Variants in ZFAT observed in about 807,000 individuals in gnomAD.
ZFAT encodes the protein zinc finger and AT-hook domain containing, also known as zinc finger protein ZFAT.
Under a neutral mutation model 117.7 loss-of-function variants are expected in ZFAT, and 64 were observed. That is an observed-to-expected ratio of 0.54 (90% CI 0.44 to 0.67). The LOEUF is 0.67. ZFAT is among the 30% of genes least tolerant of loss of function. ZFAT has a pLI of 0.00. For missense variants in ZFAT, 1,433 were observed against 1,584.5 expected (o/e 0.90, Z 1.62); for synonymous variants, 679 against 615.0 (o/e 1.10, Z -1.54).
chr8:134,542,271 C>T lies in ZFAT; in HGVS notation c.2977-9299G>A, dbSNP rs557212564. Among the ~76,000 whole-genome samples the T allele has an allele frequency of 1.4e-4, 22 of 152,358 alleles. No homozygotes were observed. The East Asian group carries it at 4.0e-3, about 28-fold the overall frequency. On this transcript the variant is annotated intron_variant, in intron 11 of 15. Transcript: ENST00000377838. ...CCTTCTTACCCTAGTCTTGATCCTG[C>T]CATTCTCTCTACAACAAGTGTCTTT...
At chr8:134,769,956 G>A in the ZFAT span, among the ~76,000 whole-genome samples, 1 of 152,192 alleles carries the variant, frequency 6.6e-6, no homozygotes, top group Non-Finnish European at 1.5e-5. Context: ...TGGAGCAGCT[G>A]GGACACAGGG....
At chr8:134,739,665 A>G in the ZFAT span, among the ~76,000 whole-genome samples, 1 of 152,172 alleles carries the variant, frequency 6.6e-6, no homozygotes, top group Non-Finnish European at 1.5e-5. Flanking sequence ...TAGGTCCTAG[A>G]CTCTAGGAAG....
intron 3 of ZFAT, among the ~76,000 whole-genome samples, chr8:134,613,602 C>T (rs1828506336): frequency 6.6e-6 from 1 of 152,148 alleles, no homozygotes; most frequent in East Asian, 1.9e-4. Context: ...ATCCACCCTA[C>T]CCGTTCCCAA....
chr8:134,811,517 G>A, the ZFAT span, among the ~76,000 whole-genome samples: 1 of 152,182 alleles, frequency 6.6e-6, no homozygotes, highest in South Asian at 2.1e-4. Flanking sequence ...GTGACAGAAT[G>A]ATAGGGGAAA....
At chr8:134,489,021 G>A (rs1227298320) in intron 15 of ZFAT, among the ~76,000 whole-genome samples, 3 of 135,082 alleles carry the variant, frequency 2.2e-5, no homozygotes, top group Non-Finnish European at 4.6e-5. Flanking sequence ...GGGAAGAGAT[G>A]AAACAAAGAG....
chr8:134,497,077 G>T (rs1818496405), intron 15 of ZFAT, among the ~76,000 whole-genome samples: 2 of 152,226 alleles, frequency 1.3e-5, no homozygotes, highest in Non-Finnish European at 2.9e-5. Flanking sequence ...AGTCAGCACG[G>T]GCGGGGTAGG....
chr8:134,748,367 A>C, the ZFAT span, among the ~76,000 whole-genome samples: 9 of 152,182 alleles, frequency 5.9e-5, no homozygotes. Flanking sequence ...TTAAAAATGG[A>C]ACTGTATTGT....
chr8:134,672,318 C>A (rs777497874), intron 1 of ZFAT, among the ~76,000 whole-genome samples: 2 of 152,040 alleles, frequency 1.3e-5, no homozygotes, highest in Non-Finnish European at 1.5e-5. Context: ...GCCAAAAGAA[C>A]AAAGCTGGAG....
intron 11 of ZFAT, among the ~76,000 whole-genome samples, chr8:134,535,342 C>T (rs1821750533): frequency 6.6e-6 from 1 of 152,198 alleles, no homozygotes; most frequent in Non-Finnish European, 1.5e-5. Flanking sequence ...TTTGGACTCA[C>T]ATCTTTCTGC....
In ZFAT at chr8:134,600,482, G is replaced by T; in HGVS notation, c.2429C>A (p.Pro810Gln). ...CPTDGCDYST[P>Q]DKYKLQAHLK... ...ATGTGCCTGTAGCTTATATTTATCTGGAGTTGAGTAGTCACAGCCATCGGT... is the reference window on the plus strand; with the variant it reads ...ATGTGCCTGTAGCTTATATTTATCTTGAGTTGAGTAGTCACAGCCATCGGT... The change falls in exon 7 of 16, where the codon CCA becomes CAA. Residue 810 changes from proline to glutamine, a missense_variant. This residue lies in a region of ZFAT where 49 missense variants were observed against 81.5 expected (regional missense o/e 0.60). Transcript: ENST00000377838. 1 of 1,614,208 alleles carries T rather than the reference G, an allele frequency of 6.2e-7. No homozygotes were observed. Among genetic ancestry groups the T allele is most frequent in the African/African-American group, 1.3e-5 (1 of 75,048 alleles).
chr8:134,576,297 T>G (rs1378444466), intron 10 of ZFAT, among the ~76,000 whole-genome samples: 4 of 152,220 alleles, frequency 2.6e-5, no homozygotes, highest in Admixed American at 2.6e-4. Flanking sequence ...GAAAAAGAGC[T>G]ACATATGAAC....
chr8:134,651,822 T>A (rs1339820437), intron 2 of ZFAT, among the ~76,000 whole-genome samples: 1 of 152,040 alleles, frequency 6.6e-6, no homozygotes, highest in Non-Finnish European at 1.5e-5. Context: ...ATGTACTTAA[T>A]CCTACCTGGA....
At chr8:134,574,332 G>T (rs958466264) in intron 10 of ZFAT, among the ~76,000 whole-genome samples, 1 of 152,028 alleles carries the variant, frequency 6.6e-6, no homozygotes, top group Non-Finnish European at 1.5e-5. Context: ...AAAGGCAATC[G>T]CTCCTGGCCT....
chr8:134,576,061 C>T (rs1272908774), intron 10 of ZFAT, among the ~76,000 whole-genome samples: 1 of 152,140 alleles, frequency 6.6e-6, no homozygotes, highest in African/African-American at 2.4e-5. Context: ...AGCACAAAGC[C>T]ACATAAAGGA....
intron 2 of ZFAT, 134 bp from the exon 3 acceptor site, chr8:134,637,846 C>T: frequency 1.6e-6 from 2 of 1,225,614 alleles, no homozygotes; most frequent in Non-Finnish European, 2.2e-6. Flanking sequence ...TGATTCCAGA[C>T]ATTAACAGCT....
At chr8:134,751,300 T>C in the ZFAT span, among the ~76,000 whole-genome samples, 2 of 152,190 alleles carry the variant, frequency 1.3e-5, no homozygotes, top group Non-Finnish European at 2.9e-5. Context: ...GTCAGGGGGC[T>C]CCAAGACCAA....
chr8:134,617,375 CTTTGTT>C (rs1384891461), intron 3 of ZFAT, among the ~76,000 whole-genome samples: 3 of 152,174 alleles, frequency 2.0e-5, no homozygotes, highest in Non-Finnish European at 2.9e-5. Flanking sequence ...TTAGATTCAG[CTTTGTT>C]TTTAAGACTT....
intron 1 of ZFAT, among the ~76,000 whole-genome samples, chr8:134,709,376 A>G (rs187263079): frequency 3.3e-5 from 5 of 152,216 alleles, no homozygotes; most frequent in Non-Finnish European, 5.9e-5. Flanking sequence ...TTGCCGGTGA[A>G]GGGACTGGGG....
intron 11 of ZFAT, 94 bp from the exon 12 acceptor site, chr8:134,533,066 G>A (rs771468079): frequency 3.2e-5 from 48 of 1,504,892 alleles, no homozygotes; most frequent in Non-Finnish European, 4.3e-5. Context: ...CACCCTGAAA[G>A]CCTGAGATGA....
Sources: allele counts gnomAD v4.1 joint callset (sites outside exome capture counted in the v4.1 genomes callset), GRCh38; gene constraint gnomAD v4.1.1; regional missense constraint gnomAD v4.1.1; transcripts MANE v1.5; gene names NCBI Gene and HGNC (gene_info 2026-07-23, HGNC 2026-07-21).